The following ZHX3 variants were observed in gnomAD, a reference collection of about 807,000 sequenced individuals.
ZHX3 encodes zinc fingers and homeoboxes protein 3.
ZHX3 carries 20 observed loss-of-function variants against 64.5 expected under a neutral mutation model. The ratio of observed to expected loss-of-function variants is 0.31; its 90% CI spans 0.22 to 0.45. The LOEUF (loss-of-function observed/expected upper bound fraction) is 0.45. Among genes scored for constraint, ZHX3 ranks in the 20% least tolerant of loss-of-function variants. The probability of loss-of-function intolerance (pLI) is 1.00; values close to 1 mark genes in which losing one functional copy is unlikely to be tolerated. For missense variants in ZHX3, 1,041 were observed against 1,195.8 expected (o/e 0.87, Z 1.91); for synonymous variants, 423 against 461.6 (o/e 0.92, Z 1.07).
chr20:41,202,904 C>T lies in ZHX3; in HGVS notation c.2013G>A (p.Glu671=). The T allele has an allele frequency of 6.2e-7, 1 of 1,614,144 alleles. No individual in the cohort carries two copies. The highest frequency in any genetic ancestry group is 8.5e-7 in the Non-Finnish European group (1 of 1,180,016). The change falls in exon 3 of 4, where the codon GAG becomes GAA. Residue 671 remains glutamate (E), a synonymous_variant. Coordinates refer to ENST00000683867, the MANE Select transcript of ZHX3 (RefSeq NM_001384317.1). This position sits in a 1 kb window ranked among gnomAD's most constrained non-coding sequence, Gnocchi z 7.0. ...AGGCATTCTCCTCAGCCTTCTTGGT[C>T]TCCTCAGCATTCACTTTTTTCCGTC... is the stretch of plus-strand genomic sequence containing the variant. ...SERRKKVNAE[E]TKKAEENASQ... is the part of the protein sequence containing the mutation.
At chr20:41,299,520 T>C (rs1251546625) in intron 1 of ZHX3, among the ~76,000 whole-genome samples, 1 of 151,998 alleles carries the variant, frequency 6.6e-6, no homozygotes, top group African/African-American at 2.4e-5. Flanking sequence ...AATTTGGAGC[T>C]GAGAAAGACA....
At chr20:41,229,424 G>A (rs901067510) in intron 2 of ZHX3, among the ~76,000 whole-genome samples, 1 of 152,100 alleles carries the variant, frequency 6.6e-6, no homozygotes, top group African/African-American at 2.4e-5. Flanking sequence ...ACCCAGAAGT[G>A]GAATTGCTTA....
chr20:41,267,425 G>A (rs951094194), intron 2 of ZHX3: 6 of 152,122 alleles, frequency 3.9e-5, no homozygotes, highest in African/African-American at 1.2e-4. Context: ...TCCTCCTAAC[G>A]TAAGCATTCT....
intron 2 of ZHX3, among the ~76,000 whole-genome samples, chr20:41,262,603 G>A (rs1204509306): frequency 6.6e-6 from 1 of 152,130 alleles, no homozygotes; most frequent in African/African-American, 2.4e-5. Flanking sequence ...TTTTGCCATT[G>A]TTGGCTGATT....
chr20:41,292,813 T>C (rs138907716), intron 1 of ZHX3, among the ~76,000 whole-genome samples: 1 of 152,370 alleles, frequency 6.6e-6, no homozygotes, highest in African/African-American at 2.4e-5. Context: ...TGTGAGAGTA[T>C]CTCAGATTAA....
intron 1 of ZHX3, among the ~76,000 whole-genome samples, chr20:41,311,235 A>AT (rs528116433): frequency 9.0e-4 from 136 of 151,792 alleles, no homozygotes; most frequent in Non-Finnish European, 1.4e-3. Flanking sequence ...TTTCTTGAGG[A>AT]TTTTTTTTTC....
chr20:41,280,012 A>T (rs1461443508), intron 1 of ZHX3, among the ~76,000 whole-genome samples: 1 of 152,154 alleles, frequency 6.6e-6, no homozygotes, highest in East Asian at 1.9e-4. Context: ...TCTGTAATAA[A>T]GTGGAGGATC....
At chr20:41,196,643 A>G (rs2037726316) in intron 3 of ZHX3, 1 of 129,304 alleles carries the variant, frequency 7.7e-6, no homozygotes, top group South Asian at 2.1e-4. Context: ...ACCTTTCTTG[A>G]TTTAACATTT....
chr20:41,288,354 A>T (rs1035708497), intron 1 of ZHX3, among the ~76,000 whole-genome samples: 2 of 152,194 alleles, frequency 1.3e-5, no homozygotes, highest in African/African-American at 4.8e-5. Context: ...TGAATTTGAA[A>T]TCTCCATGGT....
chr20:41,185,429 A>G lies in ZHX3; in HGVS notation c.2861-228T>C. 1 of 608,104 alleles carries G rather than the reference A, an allele frequency of 1.6e-6. No homozygotes were observed. The highest frequency in any genetic ancestry group is 2.9e-6 in the Non-Finnish European group (1 of 346,382). 37.7% of individuals were successfully genotyped at this position (608,104 alleles called of 1,614,324 possible). On this transcript the variant is annotated intron_variant, in intron 3 of 3. Transcript: ENST00000683867. The surrounding 1 kb of genome is among the most constrained non-coding windows in gnomAD (Gnocchi z 5.0). ...TTGTAAGGCCATCAGACTCTCTGAG[A>G]GACCCTGCTAAACCCTAGGCCTAGC... is the stretch of plus-strand genomic sequence containing the variant.
intron 2 of ZHX3, among the ~76,000 whole-genome samples, chr20:41,225,526 C>T (rs532873150): frequency 6.6e-6 from 1 of 152,294 alleles, no homozygotes; most frequent in Admixed American, 6.5e-5. Context: ...TCACTCTTGT[C>T]GCTCAGGTTG....
intron 2 of ZHX3, among the ~76,000 whole-genome samples, chr20:41,237,660 G>A (rs2041101241): frequency 6.6e-6 from 1 of 152,126 alleles, no homozygotes; most frequent in South Asian, 2.1e-4. Flanking sequence ...TATACTTAAT[G>A]TTAAATGAAG....
At chr20:41,266,121 G>A (rs1396821485) in intron 2 of ZHX3, among the ~76,000 whole-genome samples, 6 of 152,242 alleles carry the variant, frequency 3.9e-5, no homozygotes, top group Admixed American at 3.3e-4. Flanking sequence ...TTCTAGAAAT[G>A]CTGTATTAAT....
At chr20:41,234,656 C>T (rs1017731647) in intron 2 of ZHX3, among the ~76,000 whole-genome samples, 3 of 152,202 alleles carry the variant, frequency 2.0e-5, no homozygotes, top group Non-Finnish European at 4.4e-5. Flanking sequence ...AAACCCAACC[C>T]GATTACAGTG....
At chr20:41,295,918 C>A (rs995593976) in intron 1 of ZHX3, among the ~76,000 whole-genome samples, 2 of 151,738 alleles carry the variant, frequency 1.3e-5, no homozygotes, top group African/African-American at 4.8e-5. Context: ...TTTGTACATT[C>A]GCAAGAAATG....
intron 2 of ZHX3, among the ~76,000 whole-genome samples, chr20:41,257,345 T>A (rs907923648): frequency 3.3e-5 from 5 of 152,190 alleles, no homozygotes; most frequent in African/African-American, 1.2e-4. Flanking sequence ...AAAATGTTCA[T>A]GAAAATCTCT....
intron 1 of ZHX3, among the ~76,000 whole-genome samples, chr20:41,269,921 T>C (rs933001630): frequency 2.1e-4 from 32 of 152,042 alleles, no homozygotes; most frequent in African/African-American, 7.7e-4. Context: ...TGGCTTAACT[T>C]CTTAACACCA....
At chr20:41,205,688 G>A (rs966985647) in intron 2 of ZHX3, among the ~76,000 whole-genome samples, 10 of 152,210 alleles carry the variant, frequency 6.6e-5, no homozygotes, top group African/African-American at 7.2e-5. Flanking sequence ...GTTACTGGCT[G>A]TTATGTATCC....
intron 1 of ZHX3, among the ~76,000 whole-genome samples, chr20:41,293,466 G>A (rs1471312955): frequency 6.6e-6 from 1 of 151,944 alleles, no homozygotes; most frequent in African/African-American, 2.4e-5. Flanking sequence ...AAACTAGAAG[G>A]AAACAATTGC....
Sources: gnomAD v4.1 joint callset for allele counts (sites outside exome capture counted in the v4.1 genomes callset) on GRCh38, gnomAD v4.1.1 for gene constraint, Gnocchi (gnomAD v3.1) non-coding constraint, MANE v1.5 for transcripts, NCBI Gene and HGNC (gene_info 2026-07-23, HGNC 2026-07-21) for gene names.